The following LRRN1 variants were observed in gnomAD, a reference collection of about 807,000 sequenced individuals.
LRRN1 encodes leucine rich repeat neuronal 1, also known as leucine-rich repeat neuronal protein 1.
A neutral mutation model predicts 45.8 loss-of-function variants in LRRN1; 14 were observed. That is an observed-to-expected ratio of 0.31 (90% CI 0.20 to 0.48). The LOEUF is 0.48. LRRN1 is among the 20% of genes least tolerant of loss of function. The pLI is 0.99. For missense variants in LRRN1, 789 were observed against 874.2 expected (o/e 0.90, Z 1.23); for synonymous variants, 359 against 330.1 (o/e 1.09, Z -0.95).
intron 1 of LRRN1, among the ~76,000 whole-genome samples, chr3:3,825,300 C>G (rs1296234977): frequency 6.6e-6 from 1 of 152,194 alleles, no homozygotes; most frequent in Non-Finnish European, 1.5e-5. Flanking sequence ...TTATGCTCGA[C>G]TTGGAGACCA....
chr3:3,835,394 G>C (rs377400013), intron 1 of LRRN1, among the ~76,000 whole-genome samples: 2 of 152,116 alleles, frequency 1.3e-5, no homozygotes, highest in East Asian at 3.9e-4. Context: ...TCACAGTATG[G>C]TTTCTACTAA....
At chr3:3,822,336 A>G (rs747946222) in intron 1 of LRRN1, among the ~76,000 whole-genome samples, 1 of 152,198 alleles carries the variant, frequency 6.6e-6, no homozygotes, top group African/African-American at 2.4e-5. Flanking sequence ...GATGTAAAAA[A>G]TTAGGTGTCT....
chr3:3,836,798 G>A (rs1167294563), intron 1 of LRRN1, among the ~76,000 whole-genome samples: 1 of 152,172 alleles, frequency 6.6e-6, no homozygotes, highest in Non-Finnish European at 1.5e-5. Flanking sequence ...AGACTACAGT[G>A]GGTGGGCCTG....
intron 1 of LRRN1, among the ~76,000 whole-genome samples, chr3:3,828,815 C>G (rs1453661300): frequency 1.3e-5 from 2 of 152,074 alleles, no homozygotes; most frequent in Non-Finnish European, 2.9e-5. Context: ...CAGGCACAAA[C>G]GTGTTTTTAA....
intron 1 of LRRN1, among the ~76,000 whole-genome samples, chr3:3,809,703 G>A (rs776521496): frequency 1.4e-4 from 21 of 152,212 alleles, no homozygotes; most frequent in Non-Finnish European, 4.4e-5. Flanking sequence ...GTGATCTAGA[G>A]TGATTTCATG....
chr3:3,822,330 T>C (rs1208349186), intron 1 of LRRN1, among the ~76,000 whole-genome samples: 1 of 152,206 alleles, frequency 6.6e-6, no homozygotes, highest in East Asian at 1.9e-4. Flanking sequence ...CATTAAGATG[T>C]AAAAAATTAG....
intron 1 of LRRN1, among the ~76,000 whole-genome samples, chr3:3,828,906 A>G (rs191770501): frequency 1.6e-3 from 250 of 151,990 alleles, no homozygotes; most frequent in African/African-American, 5.7e-3. Context: ...CGTAGCTGGT[A>G]TTGATGACTA....
At chr3:3,834,030 A>G (rs1693429372) in intron 1 of LRRN1, among the ~76,000 whole-genome samples, 1 of 152,052 alleles carries the variant, frequency 6.6e-6, no homozygotes, top group African/African-American at 2.4e-5. Flanking sequence ...GTTTTTCCAC[A>G]GTTTCAGCTC....
In LRRN1 at chr3:3,799,498, C is replaced by G. The variant is rs1025445517; in HGVS notation, c.-700C>G. 6.6e-6 allele frequency: 1 copy of G among 151,966 alleles called. No homozygotes were observed. The allele number at this position is 151,966 out of a possible 1,614,324, so 9.4% of individuals were successfully genotyped here. ...GTGAACGAGGCGAGGCCCGTGCGCC[C>G]GCGGCTGCAAGCGCCCGCCTGGCGG... On this transcript the variant is annotated 5_prime_UTR_variant, in exon 1 of 2. Coordinates refer to ENST00000319331, the MANE Select transcript of LRRN1 (RefSeq NM_020873.7).
chr3:3,802,118 C>G (rs565348048), intron 1 of LRRN1, among the ~76,000 whole-genome samples: 103 of 152,334 alleles, frequency 6.8e-4, no homozygotes, highest in Non-Finnish European at 1.3e-3. Context: ...TGTCCCAACC[C>G]TAGTTACCCG....
At chr3:3,814,190 G>A (rs533341559) in intron 1 of LRRN1, among the ~76,000 whole-genome samples, 1 of 146,010 alleles carries the variant, frequency 6.8e-6, no homozygotes, top group African/African-American at 2.6e-5. Flanking sequence ...TCCCTATCTA[G>A]TGTGCCTCCT....
At chr3:3,808,950 G>A (rs1161121457) in intron 1 of LRRN1, among the ~76,000 whole-genome samples, 2 of 152,108 alleles carry the variant, frequency 1.3e-5, no homozygotes, top group African/African-American at 4.8e-5. Flanking sequence ...CATAGTTACA[G>A]ATTGCATTCT....
At chr3:3,829,301 C>T (rs1220382837) in intron 1 of LRRN1, among the ~76,000 whole-genome samples, 1 of 152,122 alleles carries the variant, frequency 6.6e-6, no homozygotes, top group African/African-American at 2.4e-5. Context: ...TGGCAATCTT[C>T]CAGTTTCATG....
At chr3:3,824,724 G>A (rs1413968144) in intron 1 of LRRN1, among the ~76,000 whole-genome samples, 2 of 152,178 alleles carry the variant, frequency 1.3e-5, no homozygotes, top group Non-Finnish European at 2.9e-5. Context: ...AAAGACTAAT[G>A]TCATTCAAAG....
chr3:3,844,888 A>C lies in LRRN1; in HGVS notation c.247A>C (p.Asn83His), dbSNP rs1388376723. 1 of 1,614,064 alleles carries C rather than the reference A, an allele frequency of 6.2e-7. No individual in the cohort carries two copies. Among genetic ancestry groups the C allele is most frequent in the African/African-American group, 1.3e-5 (1 of 74,932 alleles). Reference sequence around the variant, plus strand: ...ACAAGTGCTTCTCTTACAGAGCAATAACATCGCAAAGACTGTGGATGAGCT... The same window carrying C: ...ACAAGTGCTTCTCTTACAGAGCAATCACATCGCAAAGACTGTGGATGAGCT... ...DTQVLLLQSN[N>H]IAKTVDELQQ... Residue 83 changes from asparagine to histidine, a missense_variant, in exon 2 of 2, where the codon AAC becomes CAC. Physicochemically the swap from Asn to His is moderately conservative, Grantham distance 68. Coordinates refer to ENST00000319331, the MANE Select transcript of LRRN1 (RefSeq NM_020873.7).
At chr3:3,827,137 A>AT (rs1371913960) in intron 1 of LRRN1, 1 of 182,888 alleles carries the variant, frequency 5.5e-6, no homozygotes, top group Non-Finnish European at 1.2e-5. Context: ...AAGGCTTTAC[A>AT]TTTAACAGTT....
chr3:3,821,479 G>A (rs1693104332), intron 1 of LRRN1, among the ~76,000 whole-genome samples: 1 of 151,722 alleles, frequency 6.6e-6, no homozygotes, highest in South Asian at 2.1e-4. Flanking sequence ...TGAGTAACTT[G>A]TGTACTTGTC....
intron 1 of LRRN1, among the ~76,000 whole-genome samples, chr3:3,843,568 TA>T (rs966776968): frequency 3.6e-5 from 5 of 137,622 alleles, no homozygotes; most frequent in South Asian, 5.1e-4. Flanking sequence ...CTTCCCACTG[TA>T]CCCCCCCCCA....
chr3:3,834,548 A>ATATATATATATATATATC (rs1559302793), intron 1 of LRRN1, among the ~76,000 whole-genome samples: 1 of 121,068 alleles, frequency 8.3e-6, no homozygotes, highest in Non-Finnish European at 1.8e-5. Flanking sequence ...ATATATATAT[A>ATATATATATATATATATC]TATATGATAT....
Sources: gnomAD v4.1 joint callset for allele counts (sites outside exome capture counted in the v4.1 genomes callset) on GRCh38, gnomAD v4.1.1 for gene constraint, MANE v1.5 for transcripts, NCBI Gene and HGNC (gene_info 2026-07-23, HGNC 2026-07-21) for gene names.